Variants in PLCG2 observed in about 807,000 individuals in gnomAD.
The protein encoded by PLCG2 is 1-phosphatidylinositol 4,5-bisphosphate phosphodiesterase gamma-2.
PLCG2 carries 69 observed loss-of-function variants against 175.6 expected under a neutral mutation model. The ratio of observed to expected loss-of-function variants is 0.39; its 90% CI spans 0.32 to 0.48. The LOEUF (loss-of-function observed/expected upper bound fraction) is 0.48, where lower values mean the gene tolerates loss of function less well. PLCG2 is among the 20% of genes least tolerant of loss of function. The probability of loss-of-function intolerance (pLI) is 0.91; values close to 1 mark genes in which losing one functional copy is unlikely to be tolerated. For synonymous variants in PLCG2, 827 were observed against 624.0 expected (o/e 1.33, Z -4.85); for missense variants, 1,798 against 1,650.9 (o/e 1.09, Z -1.54).
chr16:81,942,680 C>A (rs1567543719), intron 30 of PLCG2, among the ~76,000 whole-genome samples: 1 of 152,070 alleles, frequency 6.6e-6, no homozygotes, highest in East Asian at 1.9e-4. Flanking sequence ...TTTTAAAATT[C>A]TGAGCACTTT....
chr16:81,933,998 G>A (rs1328263219), intron 25 of PLCG2, among the ~76,000 whole-genome samples: 1 of 152,246 alleles, frequency 6.6e-6, no homozygotes, highest in African/African-American at 2.4e-5. Context: ...TGCAGGTTTT[G>A]AGGGTGCAGG....
At chr16:81,875,264 T>C (rs1907725114) in intron 7 of PLCG2, among the ~76,000 whole-genome samples, 1 of 152,094 alleles carries the variant, frequency 6.6e-6, no homozygotes, top group Non-Finnish European at 1.5e-5. Context: ...ATGCCCAACC[T>C]GCTCTATGTG....
chr16:81,863,338 A>G (rs56047457), intron 5 of PLCG2, among the ~76,000 whole-genome samples: 20,883 of 152,308 alleles, frequency 0.14, 1,671 homozygotes, highest in Non-Finnish European at 0.19. Context: ...ACTTAGTGTA[A>G]TGTCTCCAAG....
rs57816646 is a variant in PLCG2 at position 81,878,227 on chromosome 16, G to A, written c.649-2683G>A. 7.8e-3 allele frequency among the ~76,000 whole-genome samples: 1,186 copies of A among 151,780 alleles called. 22 individuals carry two copies. The highest frequency in any genetic ancestry group is 0.027 in the African/African-American group (1,130 of 41,326). On this transcript the variant is annotated intron_variant, in intron 7 of 32. Transcript: ENST00000564138. ...TCTCCATCTCCTGACCTAGTGATCC[G>A]CCTGCCTCGGCCTCACAAAGTGCTG...
chr16:81,885,293 G>A (rs1219033885), intron 9 of PLCG2, among the ~76,000 whole-genome samples: 1 of 151,684 alleles, frequency 6.6e-6, no homozygotes, highest in Non-Finnish European at 1.5e-5. Context: ...CAAAGTGCTG[G>A]GATTACAGGT....
intron 31 of PLCG2, among the ~76,000 whole-genome samples, chr16:81,953,295 A>G (rs1911440286): frequency 1.3e-5 from 2 of 152,202 alleles, no homozygotes; most frequent in Admixed American, 1.3e-4. Context: ...CTGTAGTTTT[A>G]GTATTGCACC....
At chr16:81,839,734 C>T (rs1222558505) in intron 2 of PLCG2, among the ~76,000 whole-genome samples, 1 of 152,142 alleles carries the variant, frequency 6.6e-6, no homozygotes, top group Admixed American at 6.5e-5. Flanking sequence ...GTGAAAAACA[C>T]CAAGTTTAAA....
chr16:81,818,349 A>T (rs1254798656), intron 2 of PLCG2, among the ~76,000 whole-genome samples: 5 of 152,074 alleles, frequency 3.3e-5, no homozygotes, highest in Non-Finnish European at 5.9e-5. Context: ...ATTTATATTT[A>T]TGTGGGCATT....
intron 7 of PLCG2, among the ~76,000 whole-genome samples, chr16:81,874,530 T>C (rs890572725): frequency 3.9e-5 from 6 of 152,226 alleles, no homozygotes; most frequent in African/African-American, 1.4e-4. Flanking sequence ...GCAAATTGTT[T>C]ACTTCCTGTT....
chr16:81,766,196 A>G (rs1567696875), intron 2 of PLCG2, among the ~76,000 whole-genome samples: 3 of 151,930 alleles, frequency 2.0e-5, no homozygotes, highest in Non-Finnish European at 4.4e-5. Flanking sequence ...ATCCACCTAC[A>G]GGGACTCAGG....
intron 7 of PLCG2, among the ~76,000 whole-genome samples, chr16:81,875,514 G>C (rs898477288): frequency 1.3e-5 from 2 of 152,152 alleles, no homozygotes; most frequent in Non-Finnish European, 2.9e-5. Context: ...TATAGAAGTA[G>C]AGAGAATAGC....
chr16:81,771,854 G>A (rs142325262), intron 2 of PLCG2, among the ~76,000 whole-genome samples: 8 of 152,084 alleles, frequency 5.3e-5, no homozygotes, highest in Non-Finnish European at 7.3e-5. Context: ...CAGGATCTCC[G>A]CTCACTGCAA....
At chr16:81,843,551 A>G (rs762164281) in intron 2 of PLCG2, among the ~76,000 whole-genome samples, 2 of 152,306 alleles carry the variant, frequency 1.3e-5, no homozygotes, top group Middle Eastern at 3.4e-3. Context: ...CAGCCTACCA[A>G]TATTTTTCGC....
At chr16:81,847,697 A>G (rs1597352418) in intron 2 of PLCG2, among the ~76,000 whole-genome samples, 1 of 152,222 alleles carries the variant, frequency 6.6e-6, no homozygotes, top group Non-Finnish European at 1.5e-5. Flanking sequence ...CTTACTGAAC[A>G]TGGACAAACT....
chr16:81,849,926 A>G (rs984866160), intron 2 of PLCG2, among the ~76,000 whole-genome samples: 2 of 152,250 alleles, frequency 1.3e-5, no homozygotes, highest in African/African-American at 4.8e-5. Context: ...GTGAATAACT[A>G]ACTTTGGAAA....
At chr16:81,878,279 C>T (rs187981672) in intron 7 of PLCG2, among the ~76,000 whole-genome samples, 14 of 152,020 alleles carry the variant, frequency 9.2e-5, no homozygotes, top group Admixed American at 2.0e-4. Context: ...CCACCGTGCC[C>T]GGCCCAAATC....
At chr16:81,873,677 C>G (rs1907628742) in intron 7 of PLCG2, among the ~76,000 whole-genome samples, 2 of 152,086 alleles carry the variant, frequency 1.3e-5, no homozygotes, top group African/African-American at 4.8e-5. Flanking sequence ...CGCCTGTAAT[C>G]CCACCACTTT....
chr16:81,780,350 G>C (rs902520912), intron 1 of PLCG2, among the ~76,000 whole-genome samples: 4 of 152,224 alleles, frequency 2.6e-5, no homozygotes, highest in African/African-American at 9.6e-5. Context: ...TGTTCCACGA[G>C]GTTCGCTGAG....
At chr16:81,780,093 C>T (rs1910662492) in intron 1 of PLCG2, among the ~76,000 whole-genome samples, 1 of 151,886 alleles carries the variant, frequency 6.6e-6, no homozygotes, top group Non-Finnish European at 1.5e-5. Context: ...TCCAGCAGGA[C>T]GGTGGGGCGG....
Sources: allele counts gnomAD v4.1 joint callset (sites outside exome capture counted in the v4.1 genomes callset), GRCh38; gene constraint gnomAD v4.1.1; transcripts MANE v1.5; gene names NCBI Gene and HGNC (gene_info 2026-07-23, HGNC 2026-07-21).